The following MCU variants were observed in gnomAD, a reference collection of about 807,000 sequenced individuals.
MCU encodes mitochondrial calcium uniporter.
A neutral mutation model predicts 45.2 loss-of-function variants in MCU; 12 were observed. The observed-to-expected ratio is 0.27, with a 90% CI of 0.17 to 0.43. The LOEUF is 0.43. MCU is among the 20% of genes least tolerant of loss of function. The probability of loss-of-function intolerance (pLI) is 1.00; values close to 1 mark genes in which losing one functional copy is unlikely to be tolerated. For missense variants in MCU, 324 were observed against 436.7 expected (o/e 0.74, Z 2.30); for synonymous variants, 160 against 165.1 (o/e 0.97, Z 0.24).
Position 72,714,046 on chromosome 10 carries a change from A to G in MCU, c.150+21745A>G, listed in dbSNP as rs377155058. Among the ~76,000 whole-genome samples the G allele has an allele frequency of 4.0e-5, 6 of 150,258 alleles. 1 individual carries two copies. Among genetic ancestry groups the G allele is most frequent in the African/African-American group, 1.5e-4 (6 of 40,652 alleles). The stretch of plus-strand genomic sequence containing the variant: ...CAATGGCGCGATCTTGGCTCACTGC[A>G]ACCTCCGCATCCCTGGTTCAAGCAG... On this transcript the variant is annotated intron_variant, in intron 1 of 7. Coordinates refer to ENST00000373053, the MANE Select transcript of MCU (RefSeq NM_138357.3).
chr10:72,822,240 C>T (rs1174276486), intron 1 of MCU, among the ~76,000 whole-genome samples: 1 of 152,172 alleles, frequency 6.6e-6, no homozygotes, highest in Non-Finnish European at 1.5e-5. Flanking sequence ...CCACTGCACT[C>T]CAGCATGGGC....
At chr10:72,698,544 G>A (rs3009555) in intron 1 of MCU, among the ~76,000 whole-genome samples, 78,333 of 152,064 alleles carry the variant, frequency 0.52, 22,354 homozygotes, top group Non-Finnish European at 0.67. Flanking sequence ...TTACTCTGTC[G>A]CCCAGGCTGG....
chr10:72,857,636 G>A (rs1042449693), intron 2 of MCU, among the ~76,000 whole-genome samples: 3 of 152,118 alleles, frequency 2.0e-5, no homozygotes, highest in Non-Finnish European at 4.4e-5. Context: ...TGACTCCAAA[G>A]CCTGTTTTCT....
intron 1 of MCU, among the ~76,000 whole-genome samples, chr10:72,733,683 AT>A (rs1843210666): frequency 3.7e-5 from 3 of 81,426 alleles, no homozygotes; most frequent in Non-Finnish European, 9.0e-5. Flanking sequence ...TATGTTTCAT[AT>A]ATATATATAT....
intron 1 of MCU, among the ~76,000 whole-genome samples, chr10:72,805,330 C>A (rs1844431162): frequency 6.6e-6 from 1 of 151,224 alleles, no homozygotes; most frequent in African/African-American, 2.4e-5. Flanking sequence ...CTTACTGCAA[C>A]CTCTGCCTCC....
chr10:72,848,788 A>G (rs1845161314), intron 2 of MCU, among the ~76,000 whole-genome samples: 1 of 152,052 alleles, frequency 6.6e-6, no homozygotes, highest in African/African-American at 2.4e-5. Flanking sequence ...GGAAATGGTA[A>G]ACACCAACTA....
intron 1 of MCU, among the ~76,000 whole-genome samples, chr10:72,830,901 C>A (rs1844868620): frequency 6.6e-6 from 1 of 152,184 alleles, no homozygotes; most frequent in Admixed American, 6.5e-5. Context: ...TTCTCCAAAG[C>A]AGTATTCAAC....
At chr10:72,880,505 T>C (rs1387865198) in intron 6 of MCU, among the ~76,000 whole-genome samples, 1 of 151,608 alleles carries the variant, frequency 6.6e-6, no homozygotes, top group African/African-American at 2.4e-5. Flanking sequence ...TAGAAATATA[T>C]GTATAAAAAA....
At chr10:72,765,311 AGAG>A (rs1471645576) in intron 1 of MCU, among the ~76,000 whole-genome samples, 1 of 152,190 alleles carries the variant, frequency 6.6e-6, no homozygotes, top group Non-Finnish European at 1.5e-5. Flanking sequence ...GTACTATAAA[AGAG>A]GAGATGATAG....
At chr10:72,792,567 T>C (rs12767664) in intron 1 of MCU, among the ~76,000 whole-genome samples, 35 of 152,086 alleles carry the variant, frequency 2.3e-4, no homozygotes, top group African/African-American at 8.2e-4. Context: ...TCCTAGGTCA[T>C]GAAAAACTCC....
At chr10:72,805,079 TTC>T (rs1275405213) in intron 1 of MCU, among the ~76,000 whole-genome samples, 2 of 141,130 alleles carry the variant, frequency 1.4e-5, no homozygotes, top group Non-Finnish European at 3.1e-5. Flanking sequence ...CCTAGTTTGT[TTC>T]TTTCTTTCTT....
intron 1 of MCU, among the ~76,000 whole-genome samples, chr10:72,726,944 A>C (rs1843109950): frequency 6.6e-6 from 1 of 152,260 alleles, no homozygotes; most frequent in African/African-American, 2.4e-5. Flanking sequence ...AAAATAAAAC[A>C]AAAGTCTTTC....
chr10:72,809,881 A>G (rs1256491044), intron 1 of MCU, among the ~76,000 whole-genome samples: 1 of 152,212 alleles, frequency 6.6e-6, no homozygotes, highest in African/African-American at 2.4e-5. Flanking sequence ...TAGAATTCAA[A>G]GAAAAGAATT....
At chr10:72,732,441 G>T (rs1366735554) in intron 1 of MCU, among the ~76,000 whole-genome samples, 1 of 152,150 alleles carries the variant, frequency 6.6e-6, no homozygotes, top group Non-Finnish European at 1.5e-5. Context: ...ATCAGCAAGA[G>T]ATTAAACTAT....
At chr10:72,765,805 A>AG (rs1269540714) in intron 1 of MCU, among the ~76,000 whole-genome samples, 17 of 150,676 alleles carry the variant, frequency 1.1e-4, no homozygotes, top group East Asian at 5.8e-4. Context: ...AAAAAAAAAA[A>AG]AAAGAAAGAA....
chr10:72,787,489 G>C (rs1589459737), intron 1 of MCU, among the ~76,000 whole-genome samples: 1 of 152,124 alleles, frequency 6.6e-6, no homozygotes, highest in Admixed American at 6.5e-5. Flanking sequence ...GGCTGGTCTT[G>C]AACTCCTGAC....
At chr10:72,851,155 A>C (rs1167482467) in intron 2 of MCU, among the ~76,000 whole-genome samples, 2 of 152,216 alleles carry the variant, frequency 1.3e-5, no homozygotes, top group Non-Finnish European at 2.9e-5. Context: ...TTCCTTGTAG[A>C]GTTTCTCAAA....
chr10:72,882,214 A>G (rs1247574527), intron 6 of MCU, among the ~76,000 whole-genome samples: 2 of 152,178 alleles, frequency 1.3e-5, no homozygotes, highest in East Asian at 1.9e-4. Flanking sequence ...GAAGTATGTC[A>G]CCTCAGGACC....
chr10:72,881,585 A>T (rs989140340), intron 6 of MCU, among the ~76,000 whole-genome samples: 4 of 152,222 alleles, frequency 2.6e-5, no homozygotes, highest in African/African-American at 9.7e-5. Flanking sequence ...GAAGAGGGTA[A>T]ATAGGCTGGA....
Sources: gnomAD v4.1 joint callset for allele counts (sites outside exome capture counted in the v4.1 genomes callset) on GRCh38, gnomAD v4.1.1 for gene constraint, MANE v1.5 for transcripts, NCBI Gene and HGNC (gene_info 2026-07-23, HGNC 2026-07-21) for gene names.